ARPC2: variants seen among roughly 807,000 people sequenced by gnomAD.
ARPC2 encodes actin-related protein 2/3 complex subunit 2.
A neutral mutation model predicts 38.6 loss-of-function variants in ARPC2; 4 were observed. That is an observed-to-expected ratio of 0.10 (90% CI 0.05 to 0.24). The LOEUF (loss-of-function observed/expected upper bound fraction) is 0.24, where lower values mean the gene tolerates loss of function less well. Among genes scored for constraint, ARPC2 ranks in the 10% least tolerant of loss-of-function variants. The pLI is 1.00. For synonymous variants in ARPC2, 125 were observed against 140.8 expected, an observed-to-expected ratio of 0.89 and a Z score of 0.79; for missense variants, 229 against 387.3, an observed-to-expected ratio of 0.59 and a Z score of 3.43.
intron 4 of ARPC2, among the ~76,000 whole-genome samples, chr2:218,232,240 CAAAAAA>C (rs61338930): frequency 0.024 from 3,528 of 149,512 alleles, 112 homozygotes; most frequent in African/African-American, 0.08. Flanking sequence ...GACTCCGTCT[CAAAAAA>C]AAAGAATTAA....
chr2:218,249,720 G>A (rs1690134855), intron 9 of ARPC2, 101 bp from the exon 10 acceptor site: 2 of 1,162,588 alleles, frequency 1.7e-6, no homozygotes, highest in Non-Finnish European at 2.5e-6. Flanking sequence ...ATCCCAGGGT[G>A]TATGTTCCCA....
At chr2:218,218,739 A>C (rs1689317276) in intron 2 of ARPC2, among the ~76,000 whole-genome samples, 1 of 152,224 alleles carries the variant, frequency 6.6e-6, no homozygotes, top group South Asian at 2.1e-4. Flanking sequence ...GAGGCATTAG[A>C]AAGTATTAAC....
chr2:218,217,361 A>T, intron 1 of ARPC2, 102 bp from the exon 2 acceptor site: 1 of 1,067,434 alleles, frequency 9.4e-7, no homozygotes, highest in Non-Finnish European at 1.4e-6. Flanking sequence ...CTAACCTCCT[A>T]CCCCACCCAG....
At chr2:218,242,836 C>CA (rs1308084504) in intron 7 of ARPC2, among the ~76,000 whole-genome samples, 1 of 152,132 alleles carries the variant, frequency 6.6e-6, no homozygotes, top group East Asian at 1.9e-4. Flanking sequence ...TTGAGCTTCT[C>CA]AATTTCTTTA....
At chr2:218,243,827 C>T (rs970242725) in intron 7 of ARPC2, among the ~76,000 whole-genome samples, 1 of 152,190 alleles carries the variant, frequency 6.6e-6, no homozygotes, top group Non-Finnish European at 1.5e-5. Flanking sequence ...TTGACCGAGC[C>T]TTAAATATGT....
intron 8 of ARPC2, among the ~76,000 whole-genome samples, chr2:218,246,401 G>C (rs183487793): frequency 2.0e-5 from 3 of 151,936 alleles, no homozygotes; most frequent in Non-Finnish European, 4.4e-5. Context: ...GTGGTGGTGT[G>C]CGCCTGTAAT....
chr2:218,245,883 G>A lies in ARPC2; in HGVS notation c.676+337G>A, dbSNP rs561675704. On this transcript the variant is annotated intron_variant, in intron 8 of 10. Transcript: ENST00000315717. ...TATAGCTACTTCCTCAGTAGGAGACGTCCTTAGGTTGCTGGTTCGATTCCA... is the reference window on the plus strand; with the variant it reads ...TATAGCTACTTCCTCAGTAGGAGACATCCTTAGGTTGCTGGTTCGATTCCA... 3.9e-5 allele frequency among the ~76,000 whole-genome samples: 6 copies of A among 152,216 alleles called. No individual in the cohort carries two copies. In the East Asian group the frequency reaches 1.2e-3, roughly 29 times the overall value.
chr2:218,221,839 T>C (rs1036673845), intron 2 of ARPC2, among the ~76,000 whole-genome samples: 1 of 152,156 alleles, frequency 6.6e-6, no homozygotes, highest in Non-Finnish European at 1.5e-5. Flanking sequence ...TAGGCTTTGC[T>C]CAAAAAGAAT....
rs1690260028 is a variant in ARPC2, at chr2:218,254,093, A to G, written c.*178A>G. The G allele has an allele frequency of 1.7e-6, 1 of 573,186 alleles. No individual in the cohort carries two copies. Among genetic ancestry groups the G allele is most frequent in the Non-Finnish European group, 2.9e-6 (1 of 349,574 alleles). The allele number at this position is 573,186 out of a possible 1,614,324, so 35.5% of individuals were successfully genotyped here. A position where few individuals can be genotyped will look rare whatever the true frequency, so the allele number is the denominator to read the frequency against. ...AACGAGCTGTGCTTGCAAAGACTTC[A>G]TAGTTCCCAAGAATTAAAAAAAAAA... is the stretch of plus-strand genomic sequence containing the variant. On this transcript the variant is annotated 3_prime_UTR_variant, in exon 11 of 11. Transcript: ENST00000315717.
At chr2:218,243,784 A>G (rs962786366) in intron 7 of ARPC2, among the ~76,000 whole-genome samples, 1 of 152,218 alleles carries the variant, frequency 6.6e-6, no homozygotes, top group Non-Finnish European at 1.5e-5. Context: ...TCAAAAAAGA[A>G]AGAAAGAATA....
chr2:218,226,559 G>A (rs564817483), intron 3 of ARPC2, among the ~76,000 whole-genome samples: 1 of 150,522 alleles, frequency 6.6e-6, no homozygotes, highest in East Asian at 2.0e-4. Flanking sequence ...AACCCAGGAG[G>A]CGGAGCTTGC....
chr2:218,218,936 G>C (rs1254487879), intron 2 of ARPC2, among the ~76,000 whole-genome samples: 2 of 152,166 alleles, frequency 1.3e-5, no homozygotes, highest in Non-Finnish European at 2.9e-5. Context: ...TCTCTTACCA[G>C]TTTCTTTGCA....
intron 3 of ARPC2, 70 bp downstream of exon 3, chr2:218,226,024 G>C: frequency 6.7e-7 from 1 of 1,498,840 alleles, no homozygotes; most frequent in Non-Finnish European, 9.3e-7. Flanking sequence ...GCTGGGTGCA[G>C]TGGCACATGC....
chr2:218,229,665 A>G (rs1689585132), intron 4 of ARPC2, among the ~76,000 whole-genome samples: 1 of 152,216 alleles, frequency 6.6e-6, no homozygotes, highest in Admixed American at 6.5e-5. Context: ...GATGATTTGT[A>G]AAGGAATATG....
intron 7 of ARPC2, 92 bp from the exon 8 acceptor site, chr2:218,245,328 A>G: frequency 6.5e-7 from 1 of 1,526,790 alleles, no homozygotes; most frequent in Non-Finnish European, 8.9e-7. Flanking sequence ...AGGGCTACAA[A>G]GGTCACACCA....
chr2:218,238,568 A>G lies in ARPC2; in HGVS notation c.269-96A>G, dbSNP rs1689829866. The G allele has an allele frequency of 2.0e-5, 19 of 950,460 alleles. No homozygotes were observed. In the East Asian group the frequency reaches 4.7e-4, roughly 24 times the overall value. 58.9% of individuals were successfully genotyped at this position (950,460 alleles called of 1,614,324 possible). ...TTTTAGTTGCCTCTAGTCTCTGTTT[A>G]CTTGGTATAGATAGTATGCTGCTTT... On this transcript the variant is annotated intron_variant, in intron 5 of 10. Transcript: ENST00000315717.
chr2:218,239,293 AT>A (rs1216919719), intron 6 of ARPC2, 97 bp from the exon 7 acceptor site: 8 of 837,472 alleles, frequency 9.6e-6, no homozygotes, highest in Non-Finnish European at 1.4e-5. Context: ...GATTTAAGAG[AT>A]TTATGACTTT....
At chr2:218,245,251 G>A (rs1690004268) in intron 7 of ARPC2, among the ~76,000 whole-genome samples, 169 bp from the exon 8 acceptor site, 1 of 152,164 alleles carries the variant, frequency 6.6e-6, no homozygotes, top group Non-Finnish European at 1.5e-5. Context: ...GAAGTGTAGT[G>A]GTAGCAGCTA....
At chr2:218,238,390 A>G (rs1689823606) in intron 5 of ARPC2, among the ~76,000 whole-genome samples, 1 of 152,114 alleles carries the variant, frequency 6.6e-6, no homozygotes, top group Admixed American at 6.6e-5. Flanking sequence ...TTTGATTAAC[A>G]TTAATTATAT....
Sources: gnomAD v4.1 joint callset for allele counts (sites outside exome capture counted in the v4.1 genomes callset) on GRCh38, gnomAD v4.1.1 for gene constraint, MANE v1.5 for transcripts, NCBI Gene and HGNC (gene_info 2026-07-23, HGNC 2026-07-21) for gene names.